CDH4: variants seen among roughly 807,000 people sequenced by gnomAD.
CDH4 encodes cadherin-4.
In CDH4, 33 loss-of-function variants were observed where a neutral mutation model predicts 86.0. The observed-to-expected ratio is 0.38, with a 90% CI of 0.29 to 0.51. The LOEUF is 0.51. Among genes scored for constraint, CDH4 ranks in the 20% least tolerant of loss-of-function variants. The pLI is 0.86. For missense variants in CDH4, 1,114 were observed against 1,307.4 expected (o/e 0.85, Z 2.28); for synonymous variants, 555 against 549.4 (o/e 1.01, Z -0.14).
intron 2 of CDH4, among the ~76,000 whole-genome samples, chr20:61,285,554 T>C (rs2084288996): frequency 1.3e-5 from 2 of 152,198 alleles, no homozygotes; most frequent in African/African-American, 4.8e-5. Flanking sequence ...ACGGAGCATT[T>C]TTTGCCGGGC....
chr20:61,549,269 G>A (rs2086110409), intron 2 of CDH4, among the ~76,000 whole-genome samples: 1 of 152,148 alleles, frequency 6.6e-6, no homozygotes. Flanking sequence ...AGTGGTTGGA[G>A]TTTTATGGGC....
intron 2 of CDH4, among the ~76,000 whole-genome samples, chr20:61,714,129 C>T (rs1254698003): frequency 1.3e-5 from 2 of 151,868 alleles, no homozygotes; most frequent in Admixed American, 1.3e-4. Flanking sequence ...TCACTACAAG[C>T]TCTGCCTCCC....
intron 2 of CDH4, among the ~76,000 whole-genome samples, chr20:61,429,212 G>T (rs2085231130): frequency 6.6e-6 from 1 of 152,100 alleles, no homozygotes; most frequent in Non-Finnish European, 1.5e-5. Flanking sequence ...AACCCTTGAG[G>T]TAGGGACCAC....
chr20:61,326,698 G>A (rs1046509208), intron 2 of CDH4, among the ~76,000 whole-genome samples: 1 of 152,174 alleles, frequency 6.6e-6, no homozygotes, highest in Non-Finnish European at 1.5e-5. Context: ...GTGTCGGGTG[G>A]TGAAATTCCA....
intron 2 of CDH4, among the ~76,000 whole-genome samples, chr20:61,586,059 ATGG>A (rs1273967274): frequency 2.0e-5 from 3 of 150,500 alleles, no homozygotes; most frequent in Non-Finnish European, 3.0e-5. Flanking sequence ...GATGATGGTG[ATGG>A]TGGTGATGGG....
At chr20:61,876,542 T>C (rs4925203) in intron 7 of CDH4, among the ~76,000 whole-genome samples, 125,587 of 151,816 alleles carry the variant, frequency 0.83, 52,122 homozygotes, top group Admixed American at 0.88. Context: ...CGGAGGGTTC[T>C]AGACGTGCAG....
intron 2 of CDH4, among the ~76,000 whole-genome samples, chr20:61,725,236 G>A (rs2088096261): frequency 6.6e-6 from 1 of 152,208 alleles, no homozygotes; most frequent in Non-Finnish European, 1.5e-5. Flanking sequence ...GGACATCTGT[G>A]GCACCGTCCA....
intron 4 of CDH4, among the ~76,000 whole-genome samples, chr20:61,777,009 T>C (rs4925285): frequency 0.52 from 79,667 of 151,970 alleles, 21,070 homozygotes; most frequent in East Asian, 0.71. Context: ...TCCCAAGGAG[T>C]CCCTAGTCAC....
intron 2 of CDH4, among the ~76,000 whole-genome samples, chr20:61,283,830 A>C (rs2084278382): frequency 6.6e-6 from 1 of 152,100 alleles, no homozygotes; most frequent in Admixed American, 6.5e-5. Flanking sequence ...ATGTTTCAGA[A>C]AGGTGGTGCC....
intron 2 of CDH4, among the ~76,000 whole-genome samples, chr20:61,500,103 CAGG>C (rs1456926083): frequency 6.6e-6 from 1 of 152,190 alleles, no homozygotes; most frequent in East Asian, 1.9e-4. Flanking sequence ...CATCCTCAGC[CAGG>C]AGGAGGAGGC....
chr20:61,921,650 G>A (rs577427259), intron 9 of CDH4, among the ~76,000 whole-genome samples: 8 of 152,130 alleles, frequency 5.3e-5, no homozygotes, highest in African/African-American at 1.7e-4. Flanking sequence ...TACTGGGGAG[G>A]CTGAGGCAGG....
At chr20:61,532,296 T>C (rs6061611) in intron 2 of CDH4, among the ~76,000 whole-genome samples, 45,443 of 152,150 alleles carry the variant, frequency 0.3, 10,501 homozygotes, top group African/African-American at 0.64. Context: ...AACTAAGTCA[T>C]GTCCTGGTTT....
Position 61,580,007 on chromosome 20 carries a change from G to A in CDH4, c.170-163556G>A, listed in dbSNP as rs1001854832. On this transcript the variant is annotated intron_variant, in intron 2 of 15. Coordinates refer to ENST00000614565, the MANE Select transcript of CDH4 (RefSeq NM_001794.5). ...TTGAGGCGCATCCAGCACCTTCCCC[G>A]CCAGTCACATGTTTATCAGCTAGGA... Among the ~76,000 whole-genome samples, 35 of 151,820 alleles carry A rather than the reference G, an allele frequency of 2.3e-4. 1 individual carries two copies. The highest frequency in any genetic ancestry group is 2.1e-4 in the South Asian group (1 of 4,802).
chr20:61,932,074 C>T (rs2055117587), intron 13 of CDH4, among the ~76,000 whole-genome samples: 1 of 152,136 alleles, frequency 6.6e-6, no homozygotes. Flanking sequence ...GAGCCTCTTT[C>T]AATATGGGGG....
At chr20:61,454,190 C>T (rs1403317652) in intron 2 of CDH4, among the ~76,000 whole-genome samples, 1 of 152,232 alleles carries the variant, frequency 6.6e-6, no homozygotes, top group South Asian at 2.1e-4. Flanking sequence ...TTCCCTTCTC[C>T]CAGGCCCTGG....
chr20:61,637,539 G>A (rs1036365552), intron 2 of CDH4, among the ~76,000 whole-genome samples: 1 of 152,248 alleles, frequency 6.6e-6, no homozygotes, highest in Admixed American at 6.5e-5. Context: ...AAGCTGTCCT[G>A]TCACTGCCCT....
chr20:61,466,240 A>T (rs2085470932), intron 2 of CDH4, among the ~76,000 whole-genome samples: 1 of 152,204 alleles, frequency 6.6e-6, no homozygotes. Context: ...AGACTGTTTG[A>T]TTCAAATGTT....
chr20:61,745,369 T>G lies in CDH4; in HGVS notation c.396+1580T>G, dbSNP rs2088401243. Among the ~76,000 whole-genome samples the G allele has an allele frequency of 2.6e-5, 4 of 151,170 alleles. No individual in the cohort carries two copies. In the South Asian group the frequency reaches 6.2e-4, roughly 23 times the overall value. On this transcript the variant is annotated intron_variant, in intron 3 of 15. Transcript: ENST00000614565. ...CTTTGGGAAGGGAGGGACCTGTGTC[T>G]TCTTCTGACTTGTTTCTCAGATGGA...
chr20:61,455,361 G>A (rs1329057282), intron 2 of CDH4, among the ~76,000 whole-genome samples: 1 of 152,186 alleles, frequency 6.6e-6, no homozygotes, highest in East Asian at 1.9e-4. Flanking sequence ...GGGTGGGCTG[G>A]CAGTGCGAGT....
Sources: allele counts gnomAD v4.1 joint callset (sites outside exome capture counted in the v4.1 genomes callset), GRCh38; gene constraint gnomAD v4.1.1; transcripts MANE v1.5; gene names NCBI Gene and HGNC (gene_info 2026-07-23, HGNC 2026-07-21).